The following SYNGR4 variants were observed in gnomAD, a reference collection of about 807,000 sequenced individuals.
SYNGR4 encodes the protein synaptogyrin 4.
A neutral mutation model predicts 15.5 loss-of-function variants in SYNGR4; 15 were observed. The observed-to-expected ratio is 0.97, with a 90% CI of 0.65 to 1.49. SYNGR4 has a LOEUF of 1.49. SYNGR4 is among the 40% of genes most tolerant of loss of function. The pLI is 0.00. For missense variants in SYNGR4, 292 were observed against 299.3 expected (o/e 0.98, Z 0.18); for synonymous variants, 121 against 127.4 (o/e 0.95, Z 0.34).
chr19:48,369,037 G>C (rs570476771), intron 2 of SYNGR4, among the ~76,000 whole-genome samples: 43 of 152,242 alleles, frequency 2.8e-4, no homozygotes, highest in South Asian at 1.2e-3. Flanking sequence ...GGTGTGGACT[G>C]GTGCGGGGAA....
rs1324875793 is a variant in SYNGR4 at position 48,373,763 on chromosome 19, C to T, written c.331+9C>T. 2 of 1,612,946 alleles carry T rather than the reference C, an allele frequency of 1.2e-6. No individual in the cohort carries two copies. The highest frequency in any genetic ancestry group is 2.2e-5 in the South Asian group (2 of 91,064). ...GGACTTCATCCTGGCTGGTGAGCCC[C>T]CAGGACCCCCAACCCAGAGCTGCCC... On this transcript the variant is annotated intron_variant, in intron 3 of 4. Coordinates refer to ENST00000344846, the MANE Select transcript of SYNGR4 (RefSeq NM_012451.4).
intron 3 of SYNGR4, among the ~76,000 whole-genome samples, chr19:48,375,324 C>T (rs988112155): frequency 6.6e-6 from 1 of 152,034 alleles, no homozygotes; most frequent in Admixed American, 6.6e-5. Flanking sequence ...CCTCGCCTAG[C>T]CTAAAATCCT....
intron 3 of SYNGR4, among the ~76,000 whole-genome samples, chr19:48,374,931 G>T (rs181216553): frequency 6.6e-6 from 1 of 151,080 alleles, no homozygotes; most frequent in East Asian, 2.0e-4. Flanking sequence ...AGCTGAGATT[G>T]CGCCATGGCA....
intron 2 of SYNGR4, among the ~76,000 whole-genome samples, chr19:48,372,350 T>C (rs1341074093): frequency 1.3e-5 from 2 of 152,004 alleles, no homozygotes; most frequent in African/African-American, 2.4e-5. Context: ...CAAATACACA[T>C]AGAAGACAGG....
chr19:48,375,775 C>A, intron 4 of SYNGR4, 23 bp downstream of exon 4: 1 of 1,604,484 alleles, frequency 6.2e-7, no homozygotes, highest in Non-Finnish European at 8.5e-7. Flanking sequence ...CCCTCCACCA[C>A]CCCTCCCTAG....
In SYNGR4 at chr19:48,368,517, T is replaced by A. The variant is rs555938488; in HGVS notation, c.93+2582T>A. ...TCTTGTGCCTCCGGAGTAGCTGGGATTACCAGCGTGCACCACCATGCCTGG... is the reference window on the plus strand; with the variant it reads ...TCTTGTGCCTCCGGAGTAGCTGGGAATACCAGCGTGCACCACCATGCCTGG... On this transcript the variant is annotated intron_variant, in intron 2 of 4. Coordinates refer to ENST00000344846, the MANE Select transcript of SYNGR4 (RefSeq NM_012451.4). 2.0e-5 allele frequency among the ~76,000 whole-genome samples: 3 copies of A among 152,172 alleles called. No homozygotes were observed. In the East Asian group the frequency reaches 5.8e-4, roughly 29 times the overall value.
At chr19:48,373,422 G>A in intron 2 of SYNGR4, 95 bp from the exon 3 acceptor site, 2 of 1,052,832 alleles carry the variant, frequency 1.9e-6, no homozygotes, top group African/African-American at 1.6e-5. Flanking sequence ...ACGGACCAGT[G>A]ACTGGGTATA....
At chr19:48,366,434 C>T (rs919789235) in intron 2 of SYNGR4, among the ~76,000 whole-genome samples, 14 of 151,948 alleles carry the variant, frequency 9.2e-5, no homozygotes, top group African/African-American at 2.4e-4. Flanking sequence ...CAGTTTCGCT[C>T]TGTTGCCCAG....
At chr19:48,368,283 A>G (rs1371496573) in intron 2 of SYNGR4, among the ~76,000 whole-genome samples, 1 of 151,944 alleles carries the variant, frequency 6.6e-6, no homozygotes, top group Non-Finnish European at 1.5e-5. Context: ...CTAATAATCT[A>G]CTCCTAGGAA....
chr19:48,364,851 C>T (rs903111396), intron 1 of SYNGR4, among the ~76,000 whole-genome samples: 1 of 151,948 alleles, frequency 6.6e-6, no homozygotes, highest in Non-Finnish European at 1.5e-5. Flanking sequence ...CACAGAAGGA[C>T]CCAGTCCCTC....
At chr19:48,364,560 C>T (rs934870126) in intron 1 of SYNGR4, 23 bp downstream of exon 1, 1 of 152,234 alleles carries the variant, frequency 6.6e-6, no homozygotes, top group Non-Finnish European at 1.5e-5. Flanking sequence ...CGGGGCGTGG[C>T]CTCATTCTGA....
At chr19:48,375,983 A>G (rs1303308000) in intron 4 of SYNGR4, 102 bp from the exon 5 acceptor site, 3 of 1,577,470 alleles carry the variant, frequency 1.9e-6, no homozygotes, top group African/African-American at 2.7e-5. Context: ...CAGTCCAAAC[A>G]CCGGTATCTT....
intron 2 of SYNGR4, among the ~76,000 whole-genome samples, chr19:48,367,129 C>CAAAA (rs757577850): frequency 5.7e-5 from 5 of 87,084 alleles, no homozygotes; most frequent in African/African-American, 2.2e-4. Context: ...GACTCTGTCT[C>CAAAA]AAAAAAAAAA....
chr19:48,373,847 A>C (rs1600947655), intron 3 of SYNGR4, 93 bp downstream of exon 3: 1 of 1,296,392 alleles, frequency 7.7e-7, no homozygotes. Flanking sequence ...ACCCTTCACC[A>C]CCTAGCCGGC....
intron 2 of SYNGR4, among the ~76,000 whole-genome samples, chr19:48,368,460 A>G (rs1182057877): frequency 6.6e-6 from 1 of 151,626 alleles, no homozygotes; most frequent in Non-Finnish European, 1.5e-5. Context: ...GTCTCAGCTC[A>G]CTGCAACTTT....
intron 1 of SYNGR4, 62 bp from the exon 2 acceptor site, chr19:48,365,674 C>A: frequency 3.7e-6 from 1 of 273,078 alleles, no homozygotes; most frequent in East Asian, 8.7e-5. Context: ...AATCCTGGGG[C>A]CCCCAACAGC....
chr19:48,372,992 C>T (rs998218626), intron 2 of SYNGR4: 5 of 163,050 alleles, frequency 3.1e-5, no homozygotes, highest in African/African-American at 1.2e-4. Context: ...AACACTGATT[C>T]AGCTCTTCCC....
intron 3 of SYNGR4, 62 bp downstream of exon 3, chr19:48,373,816 C>T: frequency 1.3e-6 from 2 of 1,542,406 alleles, no homozygotes; most frequent in Non-Finnish European, 8.9e-7. Flanking sequence ...CCTCCTGGCT[C>T]CCCAGGGCCT....
Position 48,373,536 on chromosome 19 carries a change from TCTC to T in SYNGR4, c.118_120del (p.Ser40del), listed in dbSNP as rs757303915. The T allele has an allele frequency of 5.6e-6, 9 of 1,613,608 alleles. No individual in the cohort carries two copies. The highest frequency in any genetic ancestry group is 7.6e-6 in the Non-Finnish European group (9 of 1,179,972). ...CCACAGGTCTTCTCCCTGATCGTCTTCTCCTCCCTGCTGACCGACGGCTACCAG... is the reference window on the plus strand; with the variant it reads ...CCACAGGTCTTCTCCCTGATCGTCTTCTCCCTGCTGACCGACGGCTACCAG... On this transcript the variant is annotated inframe_deletion, in exon 3 of 5. Coordinates refer to ENST00000344846, the MANE Select transcript of SYNGR4 (RefSeq NM_012451.4).
Sources: gnomAD v4.1 joint callset for allele counts (sites outside exome capture counted in the v4.1 genomes callset) on GRCh38, gnomAD v4.1.1 for gene constraint, MANE v1.5 for transcripts, NCBI Gene and HGNC (gene_info 2026-07-23, HGNC 2026-07-21) for gene names.